Variants in FAM210A observed in about 807,000 individuals in gnomAD.
FAM210A encodes mitochondrial inner membrane scaffold 1.
Under a neutral mutation model 25.3 loss-of-function variants are expected in FAM210A, and 13 were observed. The ratio of observed to expected loss-of-function variants is 0.51; its 90% CI spans 0.33 to 0.82. The LOEUF (loss-of-function observed/expected upper bound fraction) is 0.82. FAM210A is among the 40% of genes least tolerant of loss of function. The probability of loss-of-function intolerance (pLI) is 0.02; values close to 1 mark genes in which losing one functional copy is unlikely to be tolerated. For synonymous variants in FAM210A, 125 were observed against 118.7 expected (o/e 1.05, Z -0.35); for missense variants, 319 against 323.2 (o/e 0.99, Z 0.10).
At chr18:13,677,106 G>C (rs1318488832) in intron 2 of FAM210A, among the ~76,000 whole-genome samples, 2 of 145,168 alleles carry the variant, frequency 1.4e-5, no homozygotes, top group Non-Finnish European at 3.0e-5. Flanking sequence ...ACAGAGTCTC[G>C]CTCTGTCGCC....
Position 13,722,849 on chromosome 18 carries a change from C to CT in FAM210A, c.-29+3479dup, listed in dbSNP as rs10560002. ...CTTAAGCTCCCCTTTTCTTTCCTTT[C>CT]TTTTTTTTTTTTTTGAGACAGTCTC... On this transcript the variant is annotated intron_variant, in intron 1 of 3. Transcript: ENST00000651643. Among the ~76,000 whole-genome samples, 215 of 145,336 alleles carry CT rather than the reference C, an allele frequency of 1.5e-3. 1 individual carries two copies. Among genetic ancestry groups the CT allele is most frequent in the East Asian group, 0.01 (51 of 4,884 alleles).
At chr18:13,678,283 AT>A (rs879517413) in intron 2 of FAM210A, among the ~76,000 whole-genome samples, 391 of 145,534 alleles carry the variant, frequency 2.7e-3, no homozygotes, top group Non-Finnish European at 2.5e-3. Context: ...TAGTTCCAAT[AT>A]TTTTTTTTTT....
chr18:13,716,851 T>C (rs1023530343), intron 1 of FAM210A, among the ~76,000 whole-genome samples: 1 of 152,200 alleles, frequency 6.6e-6, no homozygotes, highest in Non-Finnish European at 1.5e-5. Flanking sequence ...TGTGAGTCAA[T>C]TAAACCTCTT....
At chr18:13,719,187 A>T (rs2043881441) in intron 1 of FAM210A, among the ~76,000 whole-genome samples, 1 of 152,136 alleles carries the variant, frequency 6.6e-6, no homozygotes, top group Admixed American at 6.5e-5. Context: ...TGTTTATCTA[A>T]TTCCTCTAAT....
chr18:13,687,008 C>T (rs1196911484), intron 1 of FAM210A, among the ~76,000 whole-genome samples: 1 of 152,108 alleles, frequency 6.6e-6, no homozygotes, highest in Admixed American at 6.6e-5. Context: ...AGTAAAAATC[C>T]TCAACAAAAT....
chr18:13,681,624 A>G lies in FAM210A; in HGVS notation c.454T>C (p.Phe152Leu). Residue 152 changes from phenylalanine to leucine, a missense_variant, in exon 2 of 4, where the codon TTT becomes CTT. Phe to Leu is a conservative substitution (Grantham distance 22). Coordinates refer to ENST00000651643, the MANE Select transcript of FAM210A (RefSeq NM_152352.4). ...LITSGVWFGT[F>L]YYAALKGVNV... ...ACTTACTTCAAGGCTGCATAATAAAATGTTCCAAACCAAACACCAGAAGTT... is the reference window on the plus strand; with the variant it reads ...ACTTACTTCAAGGCTGCATAATAAAGTGTTCCAAACCAAACACCAGAAGTT... 6.2e-7 allele frequency: 1 copy of G among 1,603,606 alleles called. No individual in the cohort carries two copies. Among genetic ancestry groups the G allele is most frequent in the Non-Finnish European group, 8.5e-7 (1 of 1,175,780 alleles).
intron 1 of FAM210A, 61 bp from the exon 2 acceptor site, chr18:13,682,166 C>T: frequency 1.8e-6 from 2 of 1,125,356 alleles, no homozygotes; most frequent in East Asian, 2.4e-5. Context: ...TAAATCAATT[C>T]ATTTGAAAAT....
intron 1 of FAM210A, among the ~76,000 whole-genome samples, chr18:13,718,097 C>G (rs1601970826): frequency 6.6e-6 from 1 of 152,174 alleles, no homozygotes; most frequent in Non-Finnish European, 1.5e-5. Context: ...CTGCTTGACA[C>G]TTTGAGATGC....
At chr18:13,697,267 A>G (rs1013371103) in intron 1 of FAM210A, among the ~76,000 whole-genome samples, 5 of 152,208 alleles carry the variant, frequency 3.3e-5, no homozygotes, top group Non-Finnish European at 7.4e-5. Flanking sequence ...ACAAAATGGG[A>G]AAAAGATCTG....
At chr18:13,674,941 C>A (rs1601942311) in intron 2 of FAM210A, among the ~76,000 whole-genome samples, 1 of 141,712 alleles carries the variant, frequency 7.1e-6, no homozygotes, top group Non-Finnish European at 1.5e-5. Flanking sequence ...TGAGCCGTGA[C>A]TTATTTCCAG....
intron 1 of FAM210A, among the ~76,000 whole-genome samples, chr18:13,715,620 T>G (rs528481316): frequency 6.6e-6 from 1 of 152,350 alleles, no homozygotes; most frequent in South Asian, 2.1e-4. Context: ...TTGTTCACAT[T>G]ACAACATTTT....
chr18:13,663,752 C>CATA lies in FAM210A; in HGVS notation c.*2727_*2728insTAT, dbSNP rs2043378634. On this transcript the variant is annotated 3_prime_UTR_variant, in exon 4 of 4. Coordinates refer to ENST00000651643, the MANE Select transcript of FAM210A (RefSeq NM_152352.4). ...GATCACTTGAGCCAGGAGTTCAAGA[C>CATA]GCAAGTGAGCTATGATCATGCCACT... The CATA allele has an allele frequency of 2.0e-5, 3 of 151,984 alleles. No homozygotes were observed. The highest frequency in any genetic ancestry group is 2.0e-4 in the Admixed American group (3 of 15,264). 9.4% of individuals were successfully genotyped at this position (151,984 alleles called of 1,614,324 possible).
chr18:13,678,126 G>A (rs1029793984), intron 2 of FAM210A, among the ~76,000 whole-genome samples: 6 of 152,066 alleles, frequency 3.9e-5, no homozygotes, highest in Non-Finnish European at 7.4e-5. Flanking sequence ...ATCTCATTAA[G>A]ATAAGGTTTA....
chr18:13,690,956 C>T (rs1311428064), intron 1 of FAM210A, among the ~76,000 whole-genome samples: 1 of 152,124 alleles, frequency 6.6e-6, no homozygotes, highest in African/African-American at 2.4e-5. Context: ...ACAAACTTCT[C>T]CAAGCTAAAG....
At chr18:13,685,956 T>C (rs2043593708) in intron 1 of FAM210A, among the ~76,000 whole-genome samples, 1 of 151,804 alleles carries the variant, frequency 6.6e-6, no homozygotes, top group Admixed American at 6.6e-5. Flanking sequence ...AAAGAATCAA[T>C]AAAAATCAGA....
chr18:13,690,335 T>C (rs997462597), intron 1 of FAM210A, among the ~76,000 whole-genome samples: 4 of 152,220 alleles, frequency 2.6e-5, no homozygotes, highest in Admixed American at 1.3e-4. Flanking sequence ...GGTCAAGGCA[T>C]AGCCGAACAA....
At chr18:13,671,169 TCTC>T (rs950555950) in intron 3 of FAM210A, among the ~76,000 whole-genome samples, 5 of 152,090 alleles carry the variant, frequency 3.3e-5, no homozygotes, top group Non-Finnish European at 5.9e-5. Context: ...AATAGGGGGA[TCTC>T]CTCTTTTGGC....
At chr18:13,679,741 A>G (rs1436925288) in intron 2 of FAM210A, among the ~76,000 whole-genome samples, 1 of 152,196 alleles carries the variant, frequency 6.6e-6, no homozygotes, top group Admixed American at 6.5e-5. Context: ...TTGTATCACC[A>G]TGTTTACATA....
intron 1 of FAM210A, among the ~76,000 whole-genome samples, chr18:13,683,774 T>G (rs1029994157): frequency 2.0e-5 from 3 of 152,140 alleles, no homozygotes; most frequent in Non-Finnish European, 4.4e-5. Flanking sequence ...GAACAGACAC[T>G]TTAACTATAT....
Sources: gnomAD v4.1 joint callset for allele counts (sites outside exome capture counted in the v4.1 genomes callset) on GRCh38, gnomAD v4.1.1 for gene constraint, MANE v1.5 for transcripts, NCBI Gene and HGNC (gene_info 2026-07-23, HGNC 2026-07-21) for gene names.